Variants in DNM3 observed in about 807,000 individuals in gnomAD.
DNM3 encodes the protein dynamin-3.
Under a neutral mutation model 101.6 loss-of-function variants are expected in DNM3, and 47 were observed. The observed-to-expected ratio is 0.46, with a 90% CI of 0.37 to 0.59. The LOEUF (loss-of-function observed/expected upper bound fraction) is 0.59, where lower values mean the gene tolerates loss of function less well. Ranked by LOEUF, DNM3 falls within the 20% of genes least tolerant of loss-of-function variation. The pLI is 0.00. For synonymous variants in DNM3, 385 were observed against 387.9 expected, an observed-to-expected ratio of 0.99 and a Z score of 0.09; for missense variants, 849 against 1,085.7, an observed-to-expected ratio of 0.78 and a Z score of 3.06.
rs1365474682 is a variant in DNM3 at position 171,883,414 on chromosome 1, C to CACACA, written c.162-38334_162-38333insACACA. 1.1e-3 allele frequency among the ~76,000 whole-genome samples: 63 copies of CACACA among 56,234 alleles called. 3 individuals carry two copies. The highest frequency in any genetic ancestry group is 3.5e-3 in the African/African-American group (54 of 15,254). The allele number at this position is 56,234 out of a possible 152,430, so 36.9% of individuals were successfully genotyped here. A position where few individuals can be genotyped will look rare whatever the true frequency, so the allele number is the denominator to read the frequency against. On this transcript the variant is annotated intron_variant, in intron 1 of 20. Transcript: ENST00000627582. ...ACACACACACACACACACACACACA[C>CACACA]CCTGTCAGAATGAATACCATCAATC...
At chr1:172,164,234 T>TTTC (rs1241483081) in intron 14 of DNM3, among the ~76,000 whole-genome samples, 168 of 143,706 alleles carry the variant, frequency 1.2e-3, no homozygotes, top group Non-Finnish European at 1.7e-3. Context: ...TTTCTTTTCT[T>TTTC]TTTTTTTTTT....
At chr1:172,082,903 T>C (rs1220165893) in intron 12 of DNM3, among the ~76,000 whole-genome samples, 2 of 152,224 alleles carry the variant, frequency 1.3e-5, no homozygotes, top group African/African-American at 4.8e-5. Context: ...TGTGTAAATA[T>C]CTTTTGCATC....
In DNM3 at chr1:172,318,974, C is replaced by G. The variant is rs533226983; in HGVS notation, c.1882-4355C>G. Among the ~76,000 whole-genome samples the G allele has an allele frequency of 5.9e-5, 9 of 151,996 alleles. No homozygotes were observed. In the South Asian group the frequency reaches 1.7e-3, roughly 28 times the overall value. On this transcript the variant is annotated intron_variant, in intron 16 of 20. Coordinates refer to ENST00000627582, the MANE Select transcript of DNM3 (RefSeq NM_015569.5). ...AACAAAGCTGGAGGCATCACGCTAC[C>G]TGACTTCAAACTATACTACAAGGCT...
chr1:172,092,005 C>A (rs1183443114), intron 12 of DNM3, among the ~76,000 whole-genome samples: 1 of 151,940 alleles, frequency 6.6e-6, no homozygotes, highest in African/African-American at 2.4e-5. Context: ...AAAGAGGAGA[C>A]AAAGATTTTG....
intron 1 of DNM3, among the ~76,000 whole-genome samples, chr1:171,872,766 T>C (rs1016507278): frequency 6.6e-6 from 1 of 152,012 alleles, no homozygotes; most frequent in Admixed American, 6.6e-5. Flanking sequence ...ACTCAGAAGG[T>C]CCTTCTTTCT....
At chr1:171,994,501 T>G (rs1398176657) in intron 4 of DNM3, among the ~76,000 whole-genome samples, 1 of 146,014 alleles carries the variant, frequency 6.8e-6, no homozygotes, top group Non-Finnish European at 1.5e-5. Context: ...AACTCTGCCT[T>G]AATCCTAACT....
intron 1 of DNM3, among the ~76,000 whole-genome samples, chr1:171,857,392 TAA>T (rs1392595878): frequency 6.6e-6 from 1 of 151,992 alleles, no homozygotes; most frequent in Non-Finnish European, 1.5e-5. Context: ...AGAGAGGGAA[TAA>T]AAAATAATTT....
At chr1:172,037,244 G>A (rs1020752115) in intron 6 of DNM3, among the ~76,000 whole-genome samples, 1 of 152,150 alleles carries the variant, frequency 6.6e-6, no homozygotes, top group African/African-American at 2.4e-5. Context: ...ATTCCTCAGG[G>A]ATCTAGAACT....
At chr1:171,941,015 A>T (rs2041774998) in intron 2 of DNM3, among the ~76,000 whole-genome samples, 1 of 152,180 alleles carries the variant, frequency 6.6e-6, no homozygotes, top group South Asian at 2.1e-4. Flanking sequence ...TTAAAATAAA[A>T]TTTTAAATTA....
intron 20 of DNM3, among the ~76,000 whole-genome samples, chr1:172,402,639 T>C (rs1409034692): frequency 6.6e-6 from 1 of 152,176 alleles, no homozygotes; most frequent in East Asian, 1.9e-4. Context: ...CAGAGATGCT[T>C]ACCTATTTAT....
intron 14 of DNM3, among the ~76,000 whole-genome samples, chr1:172,240,936 A>G (rs144660466): frequency 6.6e-6 from 1 of 152,258 alleles, no homozygotes; most frequent in East Asian, 1.9e-4. Context: ...GTGTTTTGCC[A>G]TGCTGAGTAA....
chr1:172,024,750 G>C (rs2048081015), intron 4 of DNM3, among the ~76,000 whole-genome samples: 1 of 152,232 alleles, frequency 6.6e-6, no homozygotes, highest in Non-Finnish European at 1.5e-5. Context: ...ACTGTGCCTA[G>C]AGGAAGGGTG....
chr1:172,132,920 A>C, intron 14 of DNM3: 1 of 1,292,742 alleles, frequency 7.7e-7, no homozygotes, highest in Non-Finnish European at 1.1e-6. Context: ...TAACCAACTT[A>C]CCAAAGTCAC....
chr1:172,194,392 CG>C (rs764263542), intron 14 of DNM3, among the ~76,000 whole-genome samples: 6 of 152,044 alleles, frequency 3.9e-5, no homozygotes, highest in East Asian at 3.9e-4. Context: ...TGGTGCAGAG[CG>C]GAGTTCAATT....
intron 13 of DNM3, among the ~76,000 whole-genome samples, chr1:172,121,556 A>G (rs2056322545): frequency 6.6e-6 from 1 of 152,218 alleles, no homozygotes; most frequent in African/African-American, 2.4e-5. Context: ...GGGCAGAATG[A>G]GTAGACGATG....
intron 2 of DNM3, among the ~76,000 whole-genome samples, chr1:171,930,812 A>G (rs1453504638): frequency 6.6e-6 from 1 of 152,184 alleles, no homozygotes; most frequent in Non-Finnish European, 1.5e-5. Flanking sequence ...GTGCCTCTCC[A>G]TGAGAGCCAC....
chr1:172,019,500 T>A (rs919618301), intron 4 of DNM3, among the ~76,000 whole-genome samples: 2 of 152,006 alleles, frequency 1.3e-5, no homozygotes, highest in Non-Finnish European at 2.9e-5. Flanking sequence ...CGGAGCTTCC[T>A]GAACCTGTGG....
At chr1:172,095,153 G>A (rs2054162242) in intron 13 of DNM3, among the ~76,000 whole-genome samples, 1 of 152,186 alleles carries the variant, frequency 6.6e-6, no homozygotes, top group Non-Finnish European at 1.5e-5. Flanking sequence ...TCTGGGGCCA[G>A]ACATGCCTTG....
chr1:172,402,999 A>G (rs545735035), intron 20 of DNM3, among the ~76,000 whole-genome samples: 251 of 152,260 alleles, frequency 1.6e-3, no homozygotes, highest in African/African-American at 5.9e-3. Context: ...GAAATATCCC[A>G]CCACATTAGA....
Sources: allele counts gnomAD v4.1 joint callset (sites outside exome capture counted in the v4.1 genomes callset), GRCh38; gene constraint gnomAD v4.1.1; transcripts MANE v1.5; gene names NCBI Gene and HGNC (gene_info 2026-07-23, HGNC 2026-07-21).